Variants in GLRB observed in about 807,000 individuals in gnomAD.
The protein encoded by GLRB is glycine receptor beta.
GLRB carries 33 observed loss-of-function variants against 54.2 expected under a neutral mutation model. That is an observed-to-expected ratio of 0.61 (90% confidence interval 0.46 to 0.81). The LOEUF is 0.81. GLRB is among the 40% of genes least tolerant of loss of function. GLRB has a pLI of 0.00. For missense variants in GLRB, 572 were observed against 584.6 expected (o/e 0.98, Z 0.22); for synonymous variants, 209 against 208.2 (o/e 1.00, Z -0.03).
At chr4:157,119,609 A>T (rs1395095833) in intron 2 of GLRB, among the ~76,000 whole-genome samples, 2 of 151,644 alleles carry the variant, frequency 1.3e-5, no homozygotes, top group Non-Finnish European at 3.0e-5. Flanking sequence ...AAATATATAT[A>T]TTTTTAATAA....
chr4:157,126,510 C>T (rs1011573680), intron 4 of GLRB, among the ~76,000 whole-genome samples: 2 of 151,732 alleles, frequency 1.3e-5, no homozygotes, highest in Non-Finnish European at 2.9e-5. Flanking sequence ...CCAACATTAA[C>T]AGTAGCATCA....
At chr4:157,114,210 G>A (rs552270474) in intron 2 of GLRB, among the ~76,000 whole-genome samples, 5 of 151,798 alleles carry the variant, frequency 3.3e-5, no homozygotes, top group African/African-American at 1.2e-4. Flanking sequence ...GCCTTAACAT[G>A]TGATCAAGGT....
intron 4 of GLRB, among the ~76,000 whole-genome samples, chr4:157,133,123 G>A (rs1251410695): frequency 6.6e-6 from 1 of 151,836 alleles, no homozygotes; most frequent in African/African-American, 2.4e-5. Flanking sequence ...AAGGAATGCT[G>A]TCAATAGTAA....
chr4:157,082,955 A>G (rs1252142930), intron 2 of GLRB, among the ~76,000 whole-genome samples: 2 of 133,216 alleles, frequency 1.5e-5, no homozygotes, highest in Non-Finnish European at 3.1e-5. Flanking sequence ...CAGACAAATG[A>G]ATAGTGTTTT....
intron 9 of GLRB, among the ~76,000 whole-genome samples, chr4:157,163,788 A>T (rs1324116753): frequency 6.6e-6 from 1 of 150,646 alleles, no homozygotes; most frequent in Admixed American, 6.6e-5. Flanking sequence ...CCCCAGGCTC[A>T]TCTGCTTCCT....
At chr4:157,093,733 C>T (rs11947547) in intron 2 of GLRB, among the ~76,000 whole-genome samples, 23,892 of 128,748 alleles carry the variant, frequency 0.19, 2,102 homozygotes, top group East Asian at 0.31. Context: ...CCAGGCTGGG[C>T]GACAGAGCGA....
intron 9 of GLRB, among the ~76,000 whole-genome samples, chr4:157,163,076 G>A (rs1036406152): frequency 2.6e-5 from 4 of 152,170 alleles, no homozygotes; most frequent in Non-Finnish European, 5.9e-5. Flanking sequence ...CTCGCAGTTC[G>A]ATCTCAGACT....
At chr4:157,099,371 C>T (rs569240265) in intron 2 of GLRB, among the ~76,000 whole-genome samples, 1 of 150,824 alleles carries the variant, frequency 6.6e-6, no homozygotes. Context: ...CAAAGTCTCA[C>T]TGTCACCCAG....
chr4:157,106,226 C>G (rs1413761831), intron 2 of GLRB, among the ~76,000 whole-genome samples: 2 of 151,924 alleles, frequency 1.3e-5, no homozygotes, highest in Admixed American at 6.6e-5. Context: ...ATCCCACTGC[C>G]TTTTGGGATG....
chr4:157,137,697 A>G (rs1171520125), intron 6 of GLRB, among the ~76,000 whole-genome samples: 1 of 152,110 alleles, frequency 6.6e-6, no homozygotes, highest in Non-Finnish European at 1.5e-5. Context: ...ATTTCTTTCT[A>G]ACTATAAAAT....
chr4:157,165,849 A>G (rs964049972), intron 9 of GLRB, among the ~76,000 whole-genome samples: 2 of 152,068 alleles, frequency 1.3e-5, no homozygotes, highest in African/African-American at 4.8e-5. Context: ...TTTTATATAA[A>G]TTAGAAAATA....
intron 4 of GLRB, among the ~76,000 whole-genome samples, chr4:157,125,120 C>A (rs2126540488): frequency 6.6e-6 from 1 of 151,792 alleles, no homozygotes; most frequent in Non-Finnish European, 1.5e-5. Flanking sequence ...TTGTTATAAA[C>A]AATGGTCAGA....
chr4:157,101,229 C>A (rs2126480823), intron 2 of GLRB, among the ~76,000 whole-genome samples: 1 of 151,970 alleles, frequency 6.6e-6, no homozygotes, highest in African/African-American at 2.4e-5. Context: ...AATACTGTAT[C>A]ATAATATATT....
At chr4:157,142,755 TA>T (rs1163080035) in intron 7 of GLRB, among the ~76,000 whole-genome samples, 1 of 152,130 alleles carries the variant, frequency 6.6e-6, no homozygotes, top group South Asian at 2.1e-4. Context: ...TTCACCATTT[TA>T]AAAAAATTAT....
At chr4:157,081,069 A>G (rs1734204860) in intron 2 of GLRB, among the ~76,000 whole-genome samples, 1 of 152,108 alleles carries the variant, frequency 6.6e-6, no homozygotes, top group Admixed American at 6.6e-5. Context: ...TTGTCTTTTG[A>G]TATGTAAGTG....
At chr4:157,140,978 C>T (rs1405118712) in intron 7 of GLRB, among the ~76,000 whole-genome samples, 3 of 151,570 alleles carry the variant, frequency 2.0e-5, no homozygotes, top group Non-Finnish European at 4.4e-5. Context: ...AAAAAATCTC[C>T]ATTTGGGGAC....
intron 2 of GLRB, among the ~76,000 whole-genome samples, chr4:157,102,625 T>G (rs904092443): frequency 6.6e-6 from 1 of 152,128 alleles, no homozygotes; most frequent in Non-Finnish European, 1.5e-5. Context: ...ATTACAATCT[T>G]CAGGCAGGAA....
intron 2 of GLRB, among the ~76,000 whole-genome samples, chr4:157,116,240 C>G (rs780936955): frequency 6.6e-6 from 1 of 151,726 alleles, no homozygotes; most frequent in African/African-American, 2.4e-5. Flanking sequence ...CAAAAGATGA[C>G]TGGTTGTAAA....
chr4:157,112,945 G>C (rs1020726975), intron 2 of GLRB, among the ~76,000 whole-genome samples: 22 of 151,868 alleles, frequency 1.4e-4, no homozygotes, highest in Admixed American at 3.9e-4. Flanking sequence ...TGAGCTCTGA[G>C]ACCTCACCTA....
Sources: gnomAD v4.1 joint callset for allele counts (sites outside exome capture counted in the v4.1 genomes callset) on GRCh38, gnomAD v4.1.1 for gene constraint, MANE v1.5 for transcripts, NCBI Gene and HGNC (gene_info 2026-07-23, HGNC 2026-07-21) for gene names.